Variants in SOX5 observed in about 807,000 individuals in gnomAD.
The protein encoded by SOX5 is SRY-box transcription factor 5, also known as transcription factor SOX-5.
In SOX5, 9 loss-of-function variants were observed where a neutral mutation model predicts 92.0. The observed-to-expected ratio is 0.10, with a 90% confidence interval of 0.06 to 0.17. SOX5 has a LOEUF of 0.17. SOX5 is among the 10% of genes least tolerant of loss of function. The probability of loss-of-function intolerance (pLI) is 1.00; values close to 1 mark genes in which losing one functional copy is unlikely to be tolerated. For synonymous variants in SOX5, 344 were observed against 336.3 expected, an observed-to-expected ratio of 1.02 and a Z score of -0.25; for missense variants, 642 against 944.5, an observed-to-expected ratio of 0.68 and a Z score of 4.20.
intron 2 of SOX5, among the ~76,000 whole-genome samples, chr12:24,355,403 G>T (rs909469582): frequency 7.2e-6 from 1 of 139,540 alleles, no homozygotes; most frequent in Admixed American, 8.1e-5. Flanking sequence ...CGCCTCCCAG[G>T]TTCACACCAT....
intron 1 of SOX5, among the ~76,000 whole-genome samples, chr12:23,927,863 C>T (rs1940403124): frequency 6.6e-6 from 1 of 151,956 alleles, no homozygotes; most frequent in Non-Finnish European, 1.5e-5. Context: ...TTCCGCAAAA[C>T]ATAGAGATCC....
intron 2 of SOX5, among the ~76,000 whole-genome samples, chr12:24,333,476 C>A (rs1284556449): frequency 2.0e-5 from 3 of 152,012 alleles, no homozygotes; most frequent in Non-Finnish European, 4.4e-5. Flanking sequence ...ATCCACTAAT[C>A]TTAAGGAGAG....
chr12:24,219,837 CTTA>C (rs1959973549), intron 3 of SOX5, among the ~76,000 whole-genome samples: 1 of 152,000 alleles, frequency 6.6e-6, no homozygotes. Context: ...TTCTCAAGCA[CTTA>C]TTATAAGATA....
At chr12:24,223,660 T>C (rs1026512940) in intron 3 of SOX5, among the ~76,000 whole-genome samples, 5 of 151,986 alleles carry the variant, frequency 3.3e-5, no homozygotes, top group African/African-American at 4.8e-5. Context: ...GAGGCTGAAG[T>C]GGGAGGATCG....
intron 4 of SOX5, among the ~76,000 whole-genome samples, chr12:24,128,110 G>A (rs564282336): frequency 6.6e-6 from 1 of 152,030 alleles, no homozygotes; most frequent in South Asian, 2.1e-4. Flanking sequence ...CTTTTGTTTC[G>A]GTCTCACCTT....
At chr12:23,618,149 CTATG>C (rs2076787247) in intron 8 of SOX5, among the ~76,000 whole-genome samples, 1 of 152,166 alleles carries the variant, frequency 6.6e-6, no homozygotes, top group Non-Finnish European at 1.5e-5. Context: ...TCAGATCTCT[CTATG>C]TATCAGTGAT....
intron 2 of SOX5, among the ~76,000 whole-genome samples, chr12:23,863,042 T>C (rs2096773113): frequency 6.6e-6 from 1 of 152,230 alleles, no homozygotes; most frequent in South Asian, 2.1e-4. Context: ...TGTGGTAGAA[T>C]AGAGTTTGAA....
intron 3 of SOX5, among the ~76,000 whole-genome samples, chr12:23,814,852 ATTTTCCT>A (rs773869846): frequency 3.3e-5 from 5 of 152,030 alleles, no homozygotes; most frequent in Admixed American, 6.5e-5. Flanking sequence ...AATTCTATTC[ATTTTCCT>A]TTTTCCTTTT....
At chr12:24,266,006 CT>C (rs1306611020) in intron 3 of SOX5, among the ~76,000 whole-genome samples, 1 of 150,072 alleles carries the variant, frequency 6.7e-6, no homozygotes, top group Non-Finnish European at 1.5e-5. Context: ...GGAGCTGGGA[CT>C]ACAGGTGTAT....
At chr12:24,197,621 T>A (rs1414273024) in intron 4 of SOX5, among the ~76,000 whole-genome samples, 1 of 152,160 alleles carries the variant, frequency 6.6e-6, no homozygotes, top group Non-Finnish European at 1.5e-5. Flanking sequence ...CTGACTGTCT[T>A]GGCCTTCCTG....
intron 1 of SOX5, among the ~76,000 whole-genome samples, chr12:23,918,967 T>C (rs2097451364): frequency 6.6e-6 from 1 of 150,956 alleles, no homozygotes; most frequent in Non-Finnish European, 1.5e-5. Flanking sequence ...AATTCTTCCA[T>C]TTTACCCCAA....
At chr12:24,197,364 C>T (rs958290715) in intron 4 of SOX5, among the ~76,000 whole-genome samples, 8 of 151,930 alleles carry the variant, frequency 5.3e-5, no homozygotes, top group Admixed American at 3.3e-4. Flanking sequence ...TGAAGGAAAC[C>T]CTAGACAAAG....
chr12:23,935,907 G>T (rs151216487), intron 1 of SOX5, among the ~76,000 whole-genome samples: 5 of 151,076 alleles, frequency 3.3e-5, no homozygotes, highest in African/African-American at 1.2e-4. Flanking sequence ...ATAATGTGAT[G>T]GTTAAGAGGG....
intron 1 of SOX5, among the ~76,000 whole-genome samples, chr12:24,412,105 C>G (rs1964207284): frequency 6.6e-6 from 1 of 152,094 alleles, no homozygotes; most frequent in African/African-American, 2.4e-5. Context: ...TCTGCAGAGT[C>G]TGCAGTGATA....
intron 4 of SOX5, among the ~76,000 whole-genome samples, chr12:24,165,571 T>C (rs905191678): frequency 6.6e-6 from 1 of 152,170 alleles, no homozygotes; most frequent in African/African-American, 2.4e-5. Flanking sequence ...TTCTATTGCA[T>C]AGTTTTTGAT....
rs10627494 is a variant in SOX5, at chr12:24,331,848, C to CAAAAAAAAAAAAA, written c.-174+36702_-174+36714dup. Among the ~76,000 whole-genome samples, 8 of 31,658 alleles carry CAAAAAAAAAAAAA rather than the reference C, an allele frequency of 2.5e-4. 1 individual carries two copies. The highest frequency in any genetic ancestry group is 5.7e-4 in the Admixed American group (1 of 1,746). 20.8% of individuals were successfully genotyped at this position (31,658 alleles called of 152,430 possible). ...GCCTGGGAACAGAGCAAGACTGTCT[C>CAAAAAAAAAAAAA]AAAAAAAAAAAAAAAAAAAAAAAAA... On this transcript the variant is annotated intron_variant, in intron 2 of 4. Coordinates refer to the SOX5 transcript ENST00000446891.
At chr12:23,570,948 T>TTC (rs1948235293) in intron 10 of SOX5, among the ~76,000 whole-genome samples, 1 of 10,482 alleles carries the variant, frequency 9.5e-5, no homozygotes, top group Non-Finnish European at 2.9e-4. Context: ...TATATATATA[T>TTC]ATATATATAT....
intron 3 of SOX5, among the ~76,000 whole-genome samples, chr12:23,844,732 G>C (rs959762888): frequency 1.3e-5 from 2 of 152,010 alleles, no homozygotes; most frequent in Admixed American, 6.6e-5. Flanking sequence ...GACTTCAGGT[G>C]ATTTTTATTT....
chr12:23,746,624 A>T (rs2141086678), intron 4 of SOX5, among the ~76,000 whole-genome samples: 1 of 152,306 alleles, frequency 6.6e-6, no homozygotes, highest in Non-Finnish European at 1.5e-5. Context: ...TAAAAACTGC[A>T]GGCATAGCAG....
Sources: allele counts gnomAD v4.1 joint callset (sites outside exome capture counted in the v4.1 genomes callset), GRCh38; gene constraint gnomAD v4.1.1; transcripts MANE v1.5; gene names NCBI Gene and HGNC (gene_info 2026-07-23, HGNC 2026-07-21).